AP3S1: variants seen among roughly 807,000 people sequenced by gnomAD.
AP3S1 encodes AP-3 complex subunit sigma-1.
In AP3S1, 12 loss-of-function variants were observed where a neutral mutation model predicts 21.3. The observed-to-expected ratio is 0.56, with a 90% CI of 0.36 to 0.91. The LOEUF is 0.91. Ranked by LOEUF, AP3S1 falls within the 40% of genes least tolerant of loss-of-function variation. AP3S1 has a pLI of 0.01. For missense variants in AP3S1, 116 were observed against 225.0 expected (o/e 0.52, Z 3.10); for synonymous variants, 48 against 78.4 (o/e 0.61, Z 2.05).
At chr5:115,895,004 C>A (rs1750628571) in intron 3 of AP3S1, 83 bp from the exon 4 acceptor site, 2 of 855,914 alleles carry the variant, frequency 2.3e-6, no homozygotes, top group Non-Finnish European at 3.5e-6. Flanking sequence ...AATTTTAGTT[C>A]ATAATTAAGA....
intron 1 of AP3S1, among the ~76,000 whole-genome samples, chr5:115,862,379 C>A (rs181218800): frequency 6.6e-6 from 1 of 152,068 alleles, no homozygotes; most frequent in East Asian, 1.9e-4. Context: ...ACAGTAGATA[C>A]TAGTTTATTT....
Position 115,913,435 on chromosome 5 carries a change from A to G in AP3S1, c.527A>G (p.Asn176Ser), listed in dbSNP as rs147092755. The G allele has an allele frequency of 6.2e-7, 1 of 1,613,852 alleles. No individual in the cohort carries two copies. Among genetic ancestry groups the G allele is most frequent in the African/African-American group, 1.3e-5 (1 of 74,958 alleles). ...KNMNLPEIPR[N>S]INIGDISIKV... ...ATGAATCTTCCTGAGATCCCAAGAA[A>G]TATTAACATTGGTGACATCAGTATA... Residue 176 changes from asparagine (N) to serine (S), a missense_variant, in exon 6 of 6, where the codon AAT becomes AGT. This residue lies in a region of AP3S1 where 1 missense variants were observed against 21.2 expected (regional missense o/e 0.05). Coordinates refer to ENST00000316788, the MANE Select transcript of AP3S1 (RefSeq NM_001284.4).
intron 4 of AP3S1, among the ~76,000 whole-genome samples, chr5:115,902,284 A>G (rs1005438236): frequency 7.9e-5 from 12 of 152,330 alleles, no homozygotes; most frequent in Non-Finnish European, 1.5e-4. Context: ...TTACTCCCCA[A>G]TGGAAGACAT....
intron 1 of AP3S1, among the ~76,000 whole-genome samples, chr5:115,864,554 A>G (rs1040798476): frequency 5.9e-5 from 9 of 152,360 alleles, no homozygotes; most frequent in African/African-American, 1.9e-4. Context: ...TAAAGATGTC[A>G]TTGTTGTTAT....
intron 4 of AP3S1, among the ~76,000 whole-genome samples, chr5:115,897,380 C>A (rs1237117829): frequency 6.6e-6 from 1 of 152,008 alleles, no homozygotes; most frequent in Non-Finnish European, 1.5e-5. Flanking sequence ...TTTTAGGATA[C>A]CAAAAGACAG....
intron 1 of AP3S1, among the ~76,000 whole-genome samples, chr5:115,852,815 A>T (rs1762532678): frequency 6.6e-6 from 1 of 152,156 alleles, no homozygotes; most frequent in Non-Finnish European, 1.5e-5. Context: ...TTTATAGCTA[A>T]ATAATATTTT....
chr5:115,882,961 C>T (rs1749437728), intron 3 of AP3S1, among the ~76,000 whole-genome samples: 1 of 152,204 alleles, frequency 6.6e-6, no homozygotes, highest in Admixed American at 6.5e-5. Flanking sequence ...GTGGTGGGCT[C>T]TGCCCAGTTT....
intron 3 of AP3S1, among the ~76,000 whole-genome samples, chr5:115,875,493 AG>A (rs2112855011): frequency 6.6e-6 from 1 of 152,306 alleles, no homozygotes; most frequent in South Asian, 2.1e-4. Context: ...TGGGCTATGT[AG>A]GTTTGGGTAC....
intron 1 of AP3S1, among the ~76,000 whole-genome samples, chr5:115,863,480 G>A (rs1281758842): frequency 2.0e-5 from 3 of 152,136 alleles, no homozygotes; most frequent in Non-Finnish European, 2.9e-5. Flanking sequence ...GGCTGAGGCA[G>A]GAGAATTGCT....
chr5:115,877,854 C>G (rs1748873960), intron 3 of AP3S1, among the ~76,000 whole-genome samples: 1 of 152,172 alleles, frequency 6.6e-6, no homozygotes, highest in African/African-American at 2.4e-5. Context: ...ACATCCTCGC[C>G]AGCATCTGTT....
chr5:115,887,619 A>G (rs1249935451), intron 3 of AP3S1, among the ~76,000 whole-genome samples: 1 of 152,040 alleles, frequency 6.6e-6, no homozygotes, highest in Non-Finnish European at 1.5e-5. Flanking sequence ...TTTGTGAGAC[A>G]TTGTTGTAAG....
At chr5:115,861,357 G>C (rs1020761636) in intron 1 of AP3S1, among the ~76,000 whole-genome samples, 2 of 152,130 alleles carry the variant, frequency 1.3e-5, no homozygotes, top group African/African-American at 4.8e-5. Context: ...TGAAACTTCA[G>C]GGATTAGTCT....
At chr5:115,863,198 A>G (rs984812295) in intron 1 of AP3S1, among the ~76,000 whole-genome samples, 1 of 152,076 alleles carries the variant, frequency 6.6e-6, no homozygotes, top group Non-Finnish European at 1.5e-5. Flanking sequence ...CGAGTTCAAG[A>G]CCAGCCTGGC....
intron 1 of AP3S1, among the ~76,000 whole-genome samples, chr5:115,856,856 T>C (rs1762836820): frequency 6.6e-6 from 1 of 152,174 alleles, no homozygotes; most frequent in Non-Finnish European, 1.5e-5. Context: ...TTAAAATATA[T>C]ATTATTATTA....
chr5:115,856,428 G>A (rs1293094506), intron 1 of AP3S1, among the ~76,000 whole-genome samples: 3 of 139,266 alleles, frequency 2.2e-5, no homozygotes, highest in East Asian at 4.1e-4. Context: ...AATACATCCA[G>A]CATCTTTTTT....
At chr5:115,901,764 A>G (rs188029128) in intron 4 of AP3S1, among the ~76,000 whole-genome samples, 46 of 152,184 alleles carry the variant, frequency 3.0e-4, no homozygotes, top group Non-Finnish European at 5.9e-4. Context: ...CCATATTGCC[A>G]GTGATCTGTC....
chr5:115,903,034 G>C (rs768603803), intron 5 of AP3S1, 42 bp downstream of exon 5: 19 of 1,183,014 alleles, frequency 1.6e-5, no homozygotes, highest in Non-Finnish European at 2.2e-5. Context: ...TTCTAAGCAT[G>C]ATGACAGATT....
intron 5 of AP3S1, 171 bp downstream of exon 5, chr5:115,903,163 C>G (rs116491926): frequency 2.1e-6 from 1 of 478,862 alleles, no homozygotes; most frequent in Admixed American, 4.2e-5. Context: ...GGTTCTGTGA[C>G]TGTTCTCTAC....
chr5:115,856,907 T>G (rs1185363178), intron 1 of AP3S1, among the ~76,000 whole-genome samples: 1 of 152,218 alleles, frequency 6.6e-6, no homozygotes, highest in Non-Finnish European at 1.5e-5. Context: ...CAAAAACTTA[T>G]TCCTCCAGTC....
Sources: allele counts gnomAD v4.1 joint callset (sites outside exome capture counted in the v4.1 genomes callset), GRCh38; gene constraint gnomAD v4.1.1; regional missense constraint gnomAD v4.1.1; transcripts MANE v1.5; gene names NCBI Gene and HGNC (gene_info 2026-07-23, HGNC 2026-07-21).